The following NOL8 variants were observed in gnomAD, a reference collection of about 807,000 sequenced individuals.
The protein encoded by NOL8 is nucleolar protein 8.
A neutral mutation model predicts 116.1 loss-of-function variants in NOL8; 93 were observed. The observed-to-expected ratio is 0.80, with a 90% CI of 0.68 to 0.95. The LOEUF is 0.95. NOL8 is among the 40% of genes least tolerant of loss of function. NOL8 has a pLI of 0.00. For synonymous variants in NOL8, 419 were observed against 469.0 expected, an observed-to-expected ratio of 0.89 and a Z score of 1.38; for missense variants, 1,291 against 1,382.8, an observed-to-expected ratio of 0.93 and a Z score of 1.05.
Position 92,324,224 on chromosome 9 carries a change from G to A in NOL8, c.-48-15C>T, listed in dbSNP as rs1840229440. 4 of 1,525,474 alleles carry A rather than the reference G, an allele frequency of 2.6e-6. No homozygotes were observed. The highest frequency in any genetic ancestry group is 3.5e-6 in the Non-Finnish European group (4 of 1,127,332). 94.5% of individuals were successfully genotyped at this position (1,525,474 alleles called of 1,614,324 possible). A position where few individuals can be genotyped will look rare whatever the true frequency, so the allele number is the denominator to read the frequency against. On this transcript the variant is annotated splice_polypyrimidine_tract_variant and intron_variant, in intron 1 of 16. Transcript: ENST00000442668. ...AAAGTAATTTTCTGTATACAGAGAA[G>A]AGTTCTTTCCCTTAGTTCTTCTAAA...
Position 92,305,807 on chromosome 9 carries a change from G to T in NOL8, c.2849C>A (p.Thr950Lys). The T allele has an allele frequency of 6.2e-7, 1 of 1,612,402 alleles. No individual in the cohort carries two copies. The highest frequency in any genetic ancestry group is 8.5e-7 in the Non-Finnish European group (1 of 1,178,796). The change falls in exon 12 of 17, where the codon ACG becomes AAG. Residue 950 changes from threonine to lysine, a missense_variant. Thr to Lys is a moderately conservative substitution (Grantham distance 78). Coordinates refer to ENST00000442668, the MANE Select transcript of NOL8 (RefSeq NM_017948.6). The part of the protein sequence containing the change: ...KFKDIIHYDP[T>K]KQDHATYERK... The stretch of plus-strand genomic sequence containing the variant: ...TTCGTAAGTGGCATGGTCTTGCTTC[G>T]TTGGATCATAATGTATGATGTCCCT...
intron 8 of NOL8, 175 bp from the exon 9 acceptor site, chr9:92,310,850 G>C (rs1331119359): frequency 1.5e-6 from 1 of 655,292 alleles, no homozygotes; most frequent in African/African-American, 1.8e-5. Context: ...TGGCCTCTGG[G>C]ATCACTAATC....
At position 92,298,434 on chromosome 9, in the gene NOL8, AG is replaced by A. The variant is rs1191077416; in HGVS notation, c.3374-99del. On this transcript the variant is annotated intron_variant, in intron 15 of 16. Coordinates refer to ENST00000442668, the MANE Select transcript of NOL8 (RefSeq NM_017948.6). ...TTATCAAGGTCTCGAATACCAGTTA[AG>A]ATCATTCTTTTCCCTCAGTTTCTAC... The A allele has an allele frequency of 5.9e-6, 4 of 678,714 alleles. No individual in the cohort carries two copies. In the East Asian group the frequency reaches 1.2e-4, roughly 20 times the overall value. The allele number at this position is 678,714 out of a possible 1,614,324, so 42.0% of individuals were successfully genotyped here.
intron 3 of NOL8, among the ~76,000 whole-genome samples, chr9:92,321,956 T>C (rs1487040827): frequency 6.6e-6 from 1 of 152,200 alleles, no homozygotes; most frequent in Non-Finnish European, 1.5e-5. Context: ...TTACACTCCC[T>C]ATCTCACAGT....
intron 10 of NOL8, 65 bp from the exon 11 acceptor site, chr9:92,307,089 A>G (rs954325846): frequency 2.7e-6 from 4 of 1,494,464 alleles, no homozygotes; most frequent in Non-Finnish European, 3.6e-6. Context: ...TCAATCATCA[A>G]ATATTTACCA....
chr9:92,298,870 A>G lies in NOL8; in HGVS notation c.3373+14T>C. On this transcript the variant is annotated intron_variant, in intron 15 of 16. Transcript: ENST00000442668. ...TGTTCTATGTATGTAATTTGATGAA[A>G]AAAATGGACTGACCTTGAAGTCGTT... The G allele has an allele frequency of 1.4e-6, 2 of 1,476,002 alleles. No individual in the cohort carries two copies. Among genetic ancestry groups the G allele is most frequent in the Non-Finnish European group, 1.8e-6 (2 of 1,093,822 alleles). The allele number at this position is 1,476,002 out of a possible 1,614,324, so 91.4% of individuals were successfully genotyped here. A position where few individuals can be genotyped will look rare whatever the true frequency, so the allele number is the denominator to read the frequency against.
intron 13 of NOL8, chr9:92,300,382 T>C: frequency 2.0e-6 from 2 of 989,546 alleles, no homozygotes; most frequent in Non-Finnish European, 2.4e-6. Context: ...TACAGGGAAA[T>C]CAGGTTTCCC....
intron 15 of NOL8, 55 bp from the exon 16 acceptor site, chr9:92,298,391 A>G: frequency 8.9e-7 from 1 of 1,126,476 alleles, no homozygotes; most frequent in Non-Finnish European, 1.3e-6. Context: ...AAAATTGGTA[A>G]TATTCTAAGT....
chr9:92,323,649 T>C, intron 2 of NOL8, 146 bp from the exon 3 acceptor site: 5 of 647,250 alleles, frequency 7.7e-6, no homozygotes, highest in East Asian at 2.9e-5. Context: ...TTTTATTGGC[T>C]ATAAAAATAA....
At chr9:92,304,366 G>C (rs563808660) in intron 12 of NOL8, among the ~76,000 whole-genome samples, 2 of 152,318 alleles carry the variant, frequency 1.3e-5, no homozygotes, top group Admixed American at 6.5e-5. Context: ...ATTGGAGGAA[G>C]GGTAGATAAC....
chr9:92,323,630 A>C, intron 2 of NOL8, 127 bp from the exon 3 acceptor site: 1 of 764,014 alleles, frequency 1.3e-6, no homozygotes, highest in Non-Finnish European at 2.0e-6. Flanking sequence ...TTCAAAGATA[A>C]ACCTTGTTTT....
At chr9:92,308,233 C>T (rs568747990) in intron 10 of NOL8, among the ~76,000 whole-genome samples, 29 of 152,100 alleles carry the variant, frequency 1.9e-4, no homozygotes, top group Non-Finnish European at 3.5e-4. Context: ...TATGAAAATA[C>T]AAAAATTAGC....
Position 92,301,795 on chromosome 9 carries a change from C to T in NOL8, c.2931G>A (p.Glu977=), listed in dbSNP as rs749416452. The T allele has an allele frequency of 1.6e-4, 258 of 1,594,390 alleles. No homozygotes were observed. The highest frequency in any genetic ancestry group is 2.0e-4 in the Non-Finnish European group (236 of 1,169,734). Reference sequence around the variant, plus strand: ...ACACCTCAGGTAGTTTCTCAGCTTCCTCCCTTTTCTTTTTTCGTTTTGCTT... The same window carrying T: ...ACACCTCAGGTAGTTTCTCAGCTTCTTCCCTTTTCTTTTTTCGTTTTGCTT... The part of the protein sequence containing the change: ...ESKAKRKKKR[E]EAEKLPEVSK... Residue 977 remains glutamate, a synonymous_variant, in exon 13 of 17, where the codon GAG becomes GAA. Coordinates refer to ENST00000442668, the MANE Select transcript of NOL8 (RefSeq NM_017948.6).
At chr9:92,318,762 A>T in intron 5 of NOL8, 76 bp from the exon 6 acceptor site, 1 of 944,756 alleles carries the variant, frequency 1.1e-6, no homozygotes, top group Non-Finnish European at 1.6e-6. Context: ...TTAGGTAAAT[A>T]CAACAAAAAA....
chr9:92,322,620 G>C (rs759667547), intron 3 of NOL8, among the ~76,000 whole-genome samples: 3 of 152,150 alleles, frequency 2.0e-5, no homozygotes, highest in Non-Finnish European at 2.9e-5. Flanking sequence ...GCCTCCCAAA[G>C]TATTGCAAAT....
chr9:92,301,769 G>T lies in NOL8; in HGVS notation c.2957C>A (p.Ser986Tyr). Residue 986 changes from serine (S) to tyrosine (Y), a missense_variant, in exon 13 of 17, where the codon TCT becomes TAT. Ser to Tyr is a moderately radical substitution (Grantham distance 144, BLOSUM62 -2). Coordinates refer to ENST00000442668, the MANE Select transcript of NOL8 (RefSeq NM_017948.6). Reference protein sequence around the residue: ...REEAEKLPEVSKEMYYNIAMD... With the variant: ...REEAEKLPEVYKEMYYNIAMD... ...AGCAATATTATAATACATTTCTTTA[G>T]ACACCTCAGGTAGTTTCTCAGCTTC... is the stretch of plus-strand genomic sequence containing the variant. 1 of 1,601,842 alleles carries T rather than the reference G, an allele frequency of 6.2e-7. No homozygotes were observed. The highest frequency in any genetic ancestry group is 8.5e-7 in the Non-Finnish European group (1 of 1,173,864).
intron 12 of NOL8, among the ~76,000 whole-genome samples, chr9:92,304,191 C>T (rs936651823): frequency 8.5e-5 from 13 of 152,196 alleles, no homozygotes; most frequent in African/African-American, 1.9e-4. Context: ...GCCAAGTCAA[C>T]GGTCAGGAAG....
chr9:92,323,278 C>T (rs1281977088), intron 3 of NOL8, 163 bp downstream of exon 3: 5 of 1,528,024 alleles, frequency 3.3e-6, no homozygotes, highest in Non-Finnish European at 4.4e-6. Flanking sequence ...ATGGAATGGA[C>T]CTAAACCTGC....
rs1029436924 is a variant in NOL8, at chr9:92,318,771, A to T, written c.418-85T>A. On this transcript the variant is annotated intron_variant, in intron 5 of 16. Transcript: ENST00000442668. ...ACAATATTAGGTAAATACAACAAAA[A>T]AATCAGTGGGCTATGATTACTGTTG... The T allele has an allele frequency of 6.1e-6, 5 of 825,366 alleles. No homozygotes were observed. In the African/African-American group the frequency reaches 8.8e-5, roughly 15 times the overall value. 51.1% of individuals were successfully genotyped at this position (825,366 alleles called of 1,614,324 possible). A position where few individuals can be genotyped will look rare whatever the true frequency, so the allele number is the denominator to read the frequency against.
Sources: gnomAD v4.1 joint callset for allele counts (sites outside exome capture counted in the v4.1 genomes callset) on GRCh38, gnomAD v4.1.1 for gene constraint, MANE v1.5 for transcripts, NCBI Gene and HGNC (gene_info 2026-07-23, HGNC 2026-07-21) for gene names.